The following AXL variants were observed in gnomAD, a reference collection of about 807,000 sequenced individuals.
The protein encoded by AXL is tyrosine-protein kinase receptor UFO.
In AXL, 52 loss-of-function variants were observed where a neutral mutation model predicts 104.5. The ratio of observed to expected loss-of-function variants is 0.50; its 90% CI spans 0.40 to 0.63. The LOEUF (loss-of-function observed/expected upper bound fraction) is 0.63, where lower values mean the gene tolerates loss of function less well. AXL is among the 20% of genes least tolerant of loss of function. AXL has a pLI of 0.00. For missense variants in AXL, 1,024 were observed against 1,188.5 expected (o/e 0.86, Z 2.04); for synonymous variants, 455 against 473.7 (o/e 0.96, Z 0.51).
intron 12 of AXL, among the ~76,000 whole-genome samples, chr19:41,244,055 T>A (rs2034230723): frequency 6.6e-6 from 1 of 150,852 alleles, no homozygotes; most frequent in Admixed American, 6.6e-5. Flanking sequence ...AAAAAAAAAA[T>A]TAGCCAGGTA....
chr19:41,231,379 C>A, intron 6 of AXL, 81 bp downstream of exon 6: 2 of 1,290,320 alleles, frequency 1.5e-6, no homozygotes, highest in Non-Finnish European at 2.2e-6. Context: ...TCCCTGGGAA[C>A]CCACCACTTC....
At chr19:41,253,801 A>G (rs2122281647) in intron 17 of AXL, 93 bp downstream of exon 17, 2 of 1,057,122 alleles carry the variant, frequency 1.9e-6, no homozygotes, top group East Asian at 5.1e-5. Context: ...GCAGGGCTAG[A>G]CACCCGCTGA....
rs1347785630 is a variant in AXL, at chr19:41,261,064, A to G, written c.*1160A>G. On this transcript the variant is annotated 3_prime_UTR_variant, in exon 20 of 20. Coordinates refer to ENST00000301178, the MANE Select transcript of AXL (RefSeq NM_021913.5). ...TGCAATTCAAAAGTTCCAAGAGTCTAAAGATGGAGTTTCTAAGGTCCGGTG... is the reference window on the plus strand; with the variant it reads ...TGCAATTCAAAAGTTCCAAGAGTCTGAAGATGGAGTTTCTAAGGTCCGGTG... 1 of 152,220 alleles carries G rather than the reference A, an allele frequency of 6.6e-6. No homozygotes were observed. Among genetic ancestry groups the G allele is most frequent in the Non-Finnish European group, 1.5e-5 (1 of 68,036 alleles). The allele number at this position is 152,220 out of a possible 1,614,324, so 9.4% of individuals were successfully genotyped here.
intron 1 of AXL, 49 bp downstream of exon 1, chr19:41,219,526 G>T: frequency 6.4e-7 from 1 of 1,558,880 alleles, no homozygotes; most frequent in Non-Finnish European, 8.7e-7. Flanking sequence ...GAGGGGCTGG[G>T]GCAGGGGTAG....
At position 41,237,986 on chromosome 19, in the gene AXL, C is replaced by A; in HGVS notation, c.826C>A (p.Pro276Thr). 6.2e-7 allele frequency: 1 copy of A among 1,613,876 alleles called. No individual in the cohort carries two copies. The highest frequency in any genetic ancestry group is 8.5e-7 in the Non-Finnish European group (1 of 1,179,932). ...TGGGATGGGCATCCAGGCGGGAGAA[C>A]CAGACCCCCCAGAGGAGCCCCTCAC... ...DDGMGIQAGE[P>T]DPPEEPLTSQ... The change falls in exon 7 of 20, where the codon CCA (proline) becomes ACA (threonine). Residue 276 changes from proline to threonine, a missense_variant. This residue lies in a region of AXL where 332 missense variants were observed against 343.9 expected (regional missense o/e 0.97). Transcript: ENST00000301178.
intron 14 of AXL, 98 bp from the exon 15 acceptor site, chr19:41,252,250 AGAT>A: frequency 1.0e-6 from 1 of 989,962 alleles, no homozygotes; most frequent in South Asian, 1.4e-5. Flanking sequence ...TGTTTGATGA[AGAT>A]GAGTGATGAT....
intron 6 of AXL, among the ~76,000 whole-genome samples, chr19:41,232,828 T>C (rs1373571957): frequency 6.6e-6 from 1 of 152,062 alleles, no homozygotes; most frequent in African/African-American, 2.4e-5. Flanking sequence ...CACCGGGTCT[T>C]GCATTAACGC....
At chr19:41,257,287 G>A (rs745329255) in intron 18 of AXL, among the ~76,000 whole-genome samples, 32 of 151,992 alleles carry the variant, frequency 2.1e-4, no homozygotes, top group Non-Finnish European at 3.7e-4. Context: ...CAGGCAGTCC[G>A]CCCACCTCAG....
rs113249799 is a variant in AXL at position 41,238,024 on chromosome 19, C to T, written c.864C>T (p.Ser288=). ...PPEEPLTSQA[S]VPPHQLRLGS... ...AGGAGCCCCTCACCTCGCAAGCATC[C>T]GTGCCCCCCCATCAGCTTCGGCTAG... The change falls in exon 7 of 20, where the codon TCC becomes TCT. Residue 288 remains serine (S), a synonymous_variant. Transcript: ENST00000301178. 276 of 1,613,916 alleles carry T rather than the reference C, an allele frequency of 1.7e-4. 1 individual carries two copies. In the African/African-American group the frequency reaches 2.8e-3, roughly 16 times the overall value.
intron 10 of AXL, among the ~76,000 whole-genome samples, chr19:41,240,664 C>T (rs1375776632): frequency 6.6e-6 from 1 of 152,134 alleles, no homozygotes; most frequent in Non-Finnish European, 1.5e-5. Context: ...CATACGCTTT[C>T]CACGCTTATT....
intron 6 of AXL, among the ~76,000 whole-genome samples, chr19:41,233,972 A>C (rs1379626147): frequency 6.6e-6 from 1 of 152,026 alleles, no homozygotes; most frequent in Admixed American, 6.5e-5. Context: ...GGAAAAGAGA[A>C]GTGGGAGCAG....
In AXL at chr19:41,219,927, C is replaced by A. The variant is rs1174050387; in HGVS notation, c.85+450C>A. Among the ~76,000 whole-genome samples the A allele has an allele frequency of 5.9e-5, 9 of 152,022 alleles. No individual in the cohort carries two copies. The East Asian group carries it at 1.7e-3, about 30-fold the overall frequency. On this transcript the variant is annotated intron_variant, in intron 1 of 19. Transcript: ENST00000301178. Reference sequence around the variant, plus strand: ...CCACCCCCCTGACCCGCCACTTGTCCCTACCCCACCAGTCCACTCCATCTC... The same window carrying A: ...CCACCCCCCTGACCCGCCACTTGTCACTACCCCACCAGTCCACTCCATCTC...
At position 41,238,456 on chromosome 19, in the gene AXL, T is replaced by C. The variant is rs202070869; in HGVS notation, c.995-14T>C. 4.7e-5 allele frequency: 76 copies of C among 1,603,660 alleles called. No homozygotes were observed. The highest frequency in any genetic ancestry group is 6.2e-5 in the Non-Finnish European group (73 of 1,172,010). ...AGGTGGGGGTGCCAGCTTCCCCTCT[T>C]CCCTGTCCTCCAGTGCCCCTGGGCC... On this transcript the variant is annotated splice_polypyrimidine_tract_variant and intron_variant, in intron 7 of 19. Coordinates refer to ENST00000301178, the MANE Select transcript of AXL (RefSeq NM_021913.5).
intron 17 of AXL, 34 bp from the exon 18 acceptor site, chr19:41,256,418 G>T (rs1358428297): frequency 6.3e-7 from 1 of 1,596,448 alleles, no homozygotes; most frequent in Non-Finnish European, 8.6e-7. Flanking sequence ...GGTGACTGAT[G>T]CCCTGACCCT....
rs200541897 is a variant in AXL, at chr19:41,221,967, C to G, written c.497C>G (p.Pro166Arg). 3.1e-6 allele frequency: 5 copies of G among 1,612,530 alleles called. No homozygotes were observed. Among genetic ancestry groups the G allele is most frequent in the Non-Finnish European group, 4.2e-6 (5 of 1,179,432 alleles). ...FNLSCQAQGP[P>R]EPVDLLWLQD... The stretch of plus-strand genomic sequence containing the variant: ...CTGAGCTGCCAAGCTCAGGGACCCC[C>G]AGAGCCCGTGGACCTACTCTGGCTC... Residue 166 changes from proline to arginine, a missense_variant, in exon 4 of 20, where the codon CCA becomes CGA. Pro to Arg is a moderately radical substitution (Grantham distance 103). Transcript: ENST00000301178.
Position 41,243,671 on chromosome 19 carries a change from C to T in AXL, c.1501C>T (p.Arg501Cys), listed in dbSNP as rs771047905. 6.8e-6 allele frequency: 11 copies of T among 1,614,048 alleles called. No homozygotes were observed. Among genetic ancestry groups the T allele is most frequent in the Middle Eastern group, 1.6e-4 (1 of 6,062 alleles). The change falls in exon 12 of 20, where the codon CGC becomes TGC. Residue 501 changes from arginine (R) to cysteine (C), a missense_variant. Arg to Cys is a radical substitution (Grantham distance 180). Around this residue, in one of 5 missense-constraint regions of AXL, gnomAD observed 523 missense variants for 636.0 expected, o/e 0.82. Coordinates refer to ENST00000301178, the MANE Select transcript of AXL (RefSeq NM_021913.5). ...RGELVVRYRV[R>C]KSYSRRTTEA... Reference sequence around the variant, plus strand: ...TGAACTGGTAGTCAGGTACCGCGTGCGCAAGTCCTACAGTCGTCGGACCAC... The same window carrying T: ...TGAACTGGTAGTCAGGTACCGCGTGTGCAAGTCCTACAGTCGTCGGACCAC...
Position 41,248,566 on chromosome 19 carries a change from G to A in AXL, c.1590G>A (p.Met530Ile), listed in dbSNP as rs1357104627. ...TGAAGGAGAAGCTGCGGGATGTGAT[G>A]GTGGACCGGCACAAGGTGGCCCTGG... ...EELKEKLRDV[M>I]VDRHKVALGK... Residue 530 changes from methionine (M) to isoleucine (I), a missense_variant, in exon 13 of 20, where the codon ATG (methionine) becomes ATA (isoleucine). Around this residue, in one of 5 missense-constraint regions of AXL, gnomAD observed 523 missense variants for 636.0 expected, o/e 0.82. Transcript: ENST00000301178. The A allele has an allele frequency of 6.2e-7, 1 of 1,614,168 alleles. No individual in the cohort carries two copies. Among genetic ancestry groups the A allele is most frequent in the Non-Finnish European group, 8.5e-7 (1 of 1,180,042 alleles).
intron 6 of AXL, among the ~76,000 whole-genome samples, chr19:41,233,938 G>A (rs567014632): frequency 6.6e-6 from 1 of 152,232 alleles, no homozygotes; most frequent in East Asian, 1.9e-4. Flanking sequence ...AAGAGTTCCA[G>A]TGGGAGGGTC....
intron 14 of AXL, among the ~76,000 whole-genome samples, chr19:41,249,285 A>C (rs2034322180): frequency 6.6e-6 from 1 of 151,870 alleles, no homozygotes; most frequent in Non-Finnish European, 1.5e-5. Flanking sequence ...TGAAAAAAAA[A>C]ATAATAATAG....
Sources: allele counts gnomAD v4.1 joint callset (sites outside exome capture counted in the v4.1 genomes callset), GRCh38; gene constraint gnomAD v4.1.1; regional missense constraint gnomAD v4.1.1; transcripts MANE v1.5; gene names NCBI Gene and HGNC (gene_info 2026-07-23, HGNC 2026-07-21).